The following CNTNAP2 variants were observed in gnomAD, a reference collection of about 807,000 sequenced individuals.
CNTNAP2 encodes the protein contactin-associated protein-like 2.
Under a neutral mutation model 155.2 loss-of-function variants are expected in CNTNAP2, and 98 were observed. The observed-to-expected ratio is 0.63, with a 90% CI of 0.54 to 0.75. The LOEUF (loss-of-function observed/expected upper bound fraction) is 0.75. Among genes scored for constraint, CNTNAP2 ranks in the 30% least tolerant of loss-of-function variants. The pLI, the probability that CNTNAP2 is intolerant of heterozygous loss-of-function variation, is 0.00. For missense variants in CNTNAP2, 1,727 were observed against 1,688.1 expected, an observed-to-expected ratio of 1.02 and a Z score of -0.40; for synonymous variants, 651 against 631.2, an observed-to-expected ratio of 1.03 and a Z score of -0.47.
intron 1 of CNTNAP2, among the ~76,000 whole-genome samples, chr7:146,488,366 A>AT: frequency 6.7e-6 from 1 of 150,204 alleles, no homozygotes; most frequent in Non-Finnish European, 1.5e-5. Flanking sequence ...TTCAAGAGTT[A>AT]TAAGTAGATA....
rs575340260 is a variant in CNTNAP2, at chr7:148,383,869, C to T, written c.3696C>T (p.His1232=). ...SPMSSATDPW[H]LDHLDSASAD... Reference sequence around the variant, plus strand: ...TGTCGTCCGCCACCGACCCCTGGCACCTGGATCACCTGGATTCAGGTAAAG... The same window carrying T: ...TGTCGTCCGCCACCGACCCCTGGCATCTGGATCACCTGGATTCAGGTAAAG... Residue 1232 remains histidine (H), a synonymous_variant, in exon 22 of 24, where the codon CAC becomes CAT. Transcript: ENST00000361727. 1.2e-6 allele frequency: 2 copies of T among 1,613,838 alleles called. No individual in the cohort carries two copies. Among genetic ancestry groups the T allele is most frequent in the South Asian group, 2.2e-5 (2 of 91,038 alleles).
At chr7:147,081,982 A>G (rs996407331) in intron 4 of CNTNAP2, 1 of 152,060 alleles carries the variant, frequency 6.6e-6, no homozygotes, top group African/African-American at 2.4e-5. Flanking sequence ...AGTTTTTTGG[A>G]TCCGAATAAT....
At chr7:147,190,258 A>G (rs951048744) in intron 8 of CNTNAP2, among the ~76,000 whole-genome samples, 1 of 152,154 alleles carries the variant, frequency 6.6e-6, no homozygotes, top group African/African-American at 2.4e-5. Flanking sequence ...TTGTGGTGTA[A>G]TTAAATTTAA....
At chr7:148,061,688 A>T (rs183769118) in intron 15 of CNTNAP2, among the ~76,000 whole-genome samples, 2 of 152,176 alleles carry the variant, frequency 1.3e-5, no homozygotes, top group Non-Finnish European at 2.9e-5. Context: ...AATAATATAT[A>T]ACTTCAAAAC....
At chr7:146,560,482 A>G (rs1798264329) in intron 1 of CNTNAP2, among the ~76,000 whole-genome samples, 1 of 151,840 alleles carries the variant, frequency 6.6e-6, no homozygotes, top group Admixed American at 6.6e-5. Context: ...GTGTGTATAT[A>G]TATATATTTG....
chr7:146,431,139 A>G (rs963100023), intron 1 of CNTNAP2, among the ~76,000 whole-genome samples: 7 of 152,016 alleles, frequency 4.6e-5, no homozygotes, highest in Non-Finnish European at 1.0e-4. Flanking sequence ...GTCTGATAGC[A>G]CCTAGGTCTA....
At chr7:146,924,253 A>G (rs549539770) in intron 3 of CNTNAP2, among the ~76,000 whole-genome samples, 47 of 151,946 alleles carry the variant, frequency 3.1e-4, no homozygotes, top group African/African-American at 1.1e-3. Context: ...TTTTTTTTAA[A>G]TTTTTATCTT....
chr7:147,888,080 T>A (rs1220181593), intron 13 of CNTNAP2, among the ~76,000 whole-genome samples: 1 of 152,138 alleles, frequency 6.6e-6, no homozygotes, highest in African/African-American at 2.4e-5. Flanking sequence ...CCAAGAAACA[T>A]GATCTCAAAA....
chr7:146,974,252 C>A (rs1797862125), intron 3 of CNTNAP2, among the ~76,000 whole-genome samples: 1 of 151,926 alleles, frequency 6.6e-6, no homozygotes, highest in Non-Finnish European at 1.5e-5. Context: ...TCAAGACCAG[C>A]CTGGCCAACA....
chr7:146,935,624 A>G (rs980156309), intron 3 of CNTNAP2, among the ~76,000 whole-genome samples: 2 of 152,228 alleles, frequency 1.3e-5, no homozygotes, highest in Non-Finnish European at 2.9e-5. Flanking sequence ...TTTAAAGGCT[A>G]TAATTACACA....
intron 10 of CNTNAP2, among the ~76,000 whole-genome samples, chr7:147,397,242 C>A (rs577165420): frequency 6.6e-6 from 1 of 152,008 alleles, no homozygotes; most frequent in African/African-American, 2.4e-5. Flanking sequence ...AAATATACTC[C>A]TAATTATTGA....
chr7:146,266,089 C>T (rs1799989733), intron 1 of CNTNAP2, among the ~76,000 whole-genome samples: 2 of 152,082 alleles, frequency 1.3e-5, no homozygotes, highest in African/African-American at 4.8e-5. Context: ...AATCACATGA[C>T]TTCAGCTGAG....
chr7:148,020,786 G>T (rs555808296), intron 15 of CNTNAP2, among the ~76,000 whole-genome samples: 17 of 152,114 alleles, frequency 1.1e-4, no homozygotes, highest in Admixed American at 3.3e-4. Flanking sequence ...CGACTACTTT[G>T]TTGTAACACA....
At chr7:147,489,725 G>A (rs141772677) in intron 11 of CNTNAP2, among the ~76,000 whole-genome samples, 232 of 152,114 alleles carry the variant, frequency 1.5e-3, no homozygotes, top group Admixed American at 3.0e-3. Context: ...AAGCGATTCT[G>A]CTGCCTCAGC....
chr7:147,308,114 C>A (rs1419051439), intron 9 of CNTNAP2, among the ~76,000 whole-genome samples: 1 of 152,026 alleles, frequency 6.6e-6, no homozygotes, highest in African/African-American at 2.4e-5. Context: ...TTGAGCAAAC[C>A]CCTCAAAGGA....
intron 17 of CNTNAP2, among the ~76,000 whole-genome samples, chr7:148,159,196 A>C (rs1805464197): frequency 6.6e-6 from 1 of 152,072 alleles, no homozygotes; most frequent in African/African-American, 2.4e-5. Context: ...TCCTATTGTC[A>C]CATCCTGACA....
chr7:146,859,334 A>AT (rs1795052153), intron 3 of CNTNAP2, among the ~76,000 whole-genome samples: 1 of 152,174 alleles, frequency 6.6e-6, no homozygotes, highest in African/African-American at 2.4e-5. Context: ...GGAGCTGCAT[A>AT]TTTTTTAAAA....
At chr7:147,322,287 T>G (rs933398018) in intron 9 of CNTNAP2, among the ~76,000 whole-genome samples, 1 of 152,216 alleles carries the variant, frequency 6.6e-6, no homozygotes, top group Admixed American at 6.5e-5. Flanking sequence ...GGTAAAGATC[T>G]AAGTCTATGC....
At chr7:147,489,592 T>C (rs1798570234) in intron 11 of CNTNAP2, among the ~76,000 whole-genome samples, 1 of 152,150 alleles carries the variant, frequency 6.6e-6, no homozygotes, top group Non-Finnish European at 1.5e-5. Flanking sequence ...TTATCCCTGC[T>C]TCAGTCTCCC....
Sources: gnomAD v4.1 joint callset for allele counts (sites outside exome capture counted in the v4.1 genomes callset) on GRCh38, gnomAD v4.1.1 for gene constraint, MANE v1.5 for transcripts, NCBI Gene and HGNC (gene_info 2026-07-23, HGNC 2026-07-21) for gene names.